Variants in TMEM132B observed in about 807,000 individuals in gnomAD.
The protein encoded by TMEM132B is transmembrane protein 132B.
TMEM132B carries 18 observed loss-of-function variants against 90.8 expected under a neutral mutation model. That is an observed-to-expected ratio of 0.20 (90% CI 0.14 to 0.29). The LOEUF (loss-of-function observed/expected upper bound fraction) is 0.29, where lower values mean the gene tolerates loss of function less well. Among genes scored for constraint, TMEM132B ranks in the 10% least tolerant of loss-of-function variants. The pLI, the probability that TMEM132B is intolerant of heterozygous loss-of-function variation, is 1.00. For missense variants in TMEM132B, 1,096 were observed against 1,326.8 expected (o/e 0.83, Z 2.70); for synonymous variants, 504 against 523.3 (o/e 0.96, Z 0.50).
At chr12:125,552,564 C>T (rs1404530514) in intron 4 of TMEM132B, among the ~76,000 whole-genome samples, 1 of 152,198 alleles carries the variant, frequency 6.6e-6, no homozygotes, top group Non-Finnish European at 1.5e-5. Flanking sequence ...AGTCGCCTTG[C>T]AAAAGCTACC....
chr12:125,293,330 A>G (rs1565994895), intron 1 of TMEM132B, among the ~76,000 whole-genome samples: 1 of 152,192 alleles, frequency 6.6e-6, no homozygotes, highest in African/African-American at 2.4e-5. Flanking sequence ...TTCAGGGGGT[A>G]CTTGTGCAGG....
At chr12:125,632,383 T>A (rs995755069) in intron 5 of TMEM132B, among the ~76,000 whole-genome samples, 1 of 152,150 alleles carries the variant, frequency 6.6e-6, no homozygotes, top group Admixed American at 6.5e-5. Context: ...TTTTGATTGG[T>A]TCATCATTAA....
chr12:125,499,046 G>A (rs935176693), intron 3 of TMEM132B, among the ~76,000 whole-genome samples: 1 of 152,170 alleles, frequency 6.6e-6, no homozygotes, highest in Non-Finnish European at 1.5e-5. Context: ...GAGAAGCAAG[G>A]CCTCTACTAG....
chr12:125,505,691 C>G (rs1209197457), intron 3 of TMEM132B, among the ~76,000 whole-genome samples: 2 of 148,876 alleles, frequency 1.3e-5, no homozygotes, highest in Non-Finnish European at 3.0e-5. Context: ...AGAGCGAAAC[C>G]CCGTCTCAGA....
intron 5 of TMEM132B, among the ~76,000 whole-genome samples, chr12:125,614,779 T>C (rs1885947515): frequency 6.6e-6 from 1 of 152,190 alleles, no homozygotes; most frequent in African/African-American, 2.4e-5. Context: ...ATATATGCTT[T>C]TTAAAAAATG....
At chr12:125,207,124 T>C (rs554683085) in intron 1 of TMEM132B, among the ~76,000 whole-genome samples, 1 of 152,358 alleles carries the variant, frequency 6.6e-6, no homozygotes, top group South Asian at 2.1e-4. Context: ...AGCCCAGTGC[T>C]TTAATAACTT....
At chr12:125,634,169 G>A (rs778066995) in intron 5 of TMEM132B, among the ~76,000 whole-genome samples, 22 of 152,214 alleles carry the variant, frequency 1.4e-4, no homozygotes, top group Middle Eastern at 3.4e-3. Context: ...CTCTTCCTTC[G>A]CCTTTCCAAA....
chr12:125,524,356 C>T (rs541796939), intron 4 of TMEM132B, among the ~76,000 whole-genome samples: 1 of 152,322 alleles, frequency 6.6e-6, no homozygotes, highest in African/African-American at 2.4e-5. Flanking sequence ...TTTCGTTATC[C>T]TATTGATTTG....
intron 1 of TMEM132B, among the ~76,000 whole-genome samples, chr12:125,270,043 C>T (rs746870114): frequency 1.3e-5 from 2 of 150,382 alleles, no homozygotes; most frequent in Non-Finnish European, 3.0e-5. Context: ...AAAAAAAAAA[C>T]GCTACACTTC....
chr12:125,638,849 C>T (rs1886555541), intron 5 of TMEM132B, among the ~76,000 whole-genome samples: 1 of 152,184 alleles, frequency 6.6e-6, no homozygotes, highest in African/African-American at 2.4e-5. Context: ...CTTTTAGCCT[C>T]TTTTATTATA....
chr12:125,489,984 G>T (rs1302995953), intron 3 of TMEM132B, among the ~76,000 whole-genome samples: 5 of 152,092 alleles, frequency 3.3e-5, no homozygotes. Context: ...TCATTTGTAG[G>T]ACACTCTTCA....
At chr12:125,368,978 C>T (rs760189785) in intron 2 of TMEM132B, among the ~76,000 whole-genome samples, 36 of 152,082 alleles carry the variant, frequency 2.4e-4, no homozygotes, top group Non-Finnish European at 4.0e-4. Flanking sequence ...CTCATTAACT[C>T]GTCATTTACA....
chr12:125,226,681 A>G (rs578050271), intron 1 of TMEM132B, among the ~76,000 whole-genome samples: 1 of 152,350 alleles, frequency 6.6e-6, no homozygotes, highest in South Asian at 2.1e-4. Flanking sequence ...CCCTTGGGAA[A>G]GTCCACTCTT....
chr12:125,283,522 T>C (rs933154729), intron 1 of TMEM132B, among the ~76,000 whole-genome samples: 13 of 152,162 alleles, frequency 8.5e-5, no homozygotes, highest in African/African-American at 3.1e-4. Flanking sequence ...ACCAGGAAGA[T>C]GCTGAGAACA....
At chr12:125,625,401 G>A (rs1460491934) in intron 5 of TMEM132B, among the ~76,000 whole-genome samples, 26 of 152,062 alleles carry the variant, frequency 1.7e-4, no homozygotes, top group Admixed American at 1.7e-3. Flanking sequence ...CCAAAGTGCT[G>A]GGATTACAGG....
intron 3 of TMEM132B, among the ~76,000 whole-genome samples, chr12:125,418,112 T>C (rs749512204): frequency 2.0e-5 from 3 of 152,218 alleles, no homozygotes; most frequent in Non-Finnish European, 2.9e-5. Flanking sequence ...GGGTACAGAA[T>C]GGTGATATCC....
chr12:125,472,754 CT>C (rs1881755903), intron 3 of TMEM132B, among the ~76,000 whole-genome samples: 1 of 152,156 alleles, frequency 6.6e-6, no homozygotes, highest in Admixed American at 6.5e-5. Flanking sequence ...AAGGCACCAC[CT>C]GTGAGGAACG....
At position 125,339,321 on chromosome 12, in the gene TMEM132B, G is replaced by C. The variant is rs575608258; in HGVS notation, c.68-10131G>C. The stretch of plus-strand genomic sequence containing the variant: ...TTTGTTTTCTTCTGAGGCCTCTCTT[G>C]GCTTGTAGATGGCCGCCTGCCTTCT... On this transcript the variant is annotated intron_variant, in intron 1 of 8. Coordinates refer to ENST00000682704, the MANE Select transcript of TMEM132B (RefSeq NM_001366854.1). Among the ~76,000 whole-genome samples, 11 of 150,532 alleles carry C rather than the reference G, an allele frequency of 7.3e-5. No homozygotes were observed. The South Asian group carries it at 2.4e-3, about 33-fold the overall frequency.
At chr12:125,606,731 C>G (rs987977587) in intron 5 of TMEM132B, among the ~76,000 whole-genome samples, 1 of 152,214 alleles carries the variant, frequency 6.6e-6, no homozygotes, top group Non-Finnish European at 1.5e-5. Context: ...CCTGCCTCCT[C>G]CTCAGGCAGC....
Sources: allele counts gnomAD v4.1 joint callset (sites outside exome capture counted in the v4.1 genomes callset), GRCh38; gene constraint gnomAD v4.1.1; transcripts MANE v1.5; gene names NCBI Gene and HGNC (gene_info 2026-07-23, HGNC 2026-07-21).